Variants in ATXN7 observed in about 807,000 individuals in gnomAD.
ATXN7 encodes the protein ataxin 7.
ATXN7 carries 12 observed loss-of-function variants against 70.5 expected under a neutral mutation model. The observed-to-expected ratio is 0.17, with a 90% confidence interval of 0.11 to 0.28. ATXN7 has a LOEUF of 0.28. ATXN7 is among the 10% of genes least tolerant of loss of function. ATXN7 has a pLI of 1.00. For synonymous variants in ATXN7, 498 were observed against 448.7 expected (o/e 1.11, Z -1.39); for missense variants, 1,256 against 1,131.7 (o/e 1.11, Z -1.58).
chr3:63,960,370 G>A (rs1267894255), intron 5 of ATXN7, among the ~76,000 whole-genome samples: 2 of 152,158 alleles, frequency 1.3e-5, no homozygotes, highest in Admixed American at 6.5e-5. Context: ...AGGATTGGAC[G>A]GCGCAGGCAA....
In ATXN7 at chr3:63,912,610, G is replaced by A. The variant is rs910378260; in HGVS notation, c.12G>A (p.Arg4=). ...TAGGAGCGGAAAGAATGTCGGAGCG[G>A]GCCGCGGATGACGTCAGGGGGGAGC... MSE[R]AADDVRGEPR... is the part of the protein sequence containing the mutation. The change falls in exon 3 of 13, where the codon CGG becomes CGA. Residue 4 remains arginine, a synonymous_variant. Coordinates refer to ENST00000674280, the MANE Select transcript of ATXN7 (RefSeq NM_001377405.1). The A allele has an allele frequency of 5.5e-6, 6 of 1,097,842 alleles. No homozygotes were observed. The Admixed American group carries it at 2.7e-4, about 49-fold the overall frequency. The allele number at this position is 1,097,842 out of a possible 1,614,324, so 68.0% of individuals were successfully genotyped here.
At chr3:63,900,539 C>G (rs1418040438) in intron 2 of ATXN7, 1 of 152,238 alleles carries the variant, frequency 6.6e-6, no homozygotes, top group Non-Finnish European at 1.5e-5. Context: ...GAATGTTGTT[C>G]ATTGTATCAT....
chr3:63,982,539 T>C (rs1265804992), intron 7 of ATXN7, 94 bp downstream of exon 7: 2 of 1,124,974 alleles, frequency 1.8e-6, no homozygotes, highest in African/African-American at 3.2e-5. Flanking sequence ...ATTCCTATTT[T>C]TAAAACTGGT....
intron 11 of ATXN7, among the ~76,000 whole-genome samples, chr3:63,994,124 A>G (rs1042931240): frequency 7.2e-5 from 11 of 152,212 alleles, no homozygotes; most frequent in Non-Finnish European, 1.3e-4. Flanking sequence ...TGTAATCGTT[A>G]TGGATGTGGC....
At chr3:63,990,655 C>T in intron 10 of ATXN7, 83 bp from the exon 11 acceptor site, 1 of 1,595,564 alleles carries the variant, frequency 6.3e-7, no homozygotes, top group Non-Finnish European at 8.6e-7. Context: ...TCCTGATTAG[C>T]TCCTTTCCTG....
At chr3:63,995,474 G>C (rs775458828) in intron 11 of ATXN7, 31 bp from the exon 12 acceptor site, 2 of 1,611,900 alleles carry the variant, frequency 1.2e-6, no homozygotes, top group Non-Finnish European at 8.5e-7. Context: ...GCTGTGGTCA[G>C]TGTCATTCAC....
At chr3:63,868,712 T>G (rs1335316840) in intron 1 of ATXN7, among the ~76,000 whole-genome samples, 2 of 152,164 alleles carry the variant, frequency 1.3e-5, no homozygotes, top group East Asian at 3.9e-4. Flanking sequence ...TATATTTCTC[T>G]CTGTGGGCAA....
At chr3:63,987,078 T>C (rs1391907385) in intron 8 of ATXN7, among the ~76,000 whole-genome samples, 1 of 152,208 alleles carries the variant, frequency 6.6e-6, no homozygotes, top group Non-Finnish European at 1.5e-5. Context: ...ACTTGAGTGA[T>C]TGGACTCAAC....
In ATXN7 at chr3:63,999,761, G is replaced by C. The variant is rs1215649900; in HGVS notation, c.*294G>C. 8.9e-6 allele frequency: 5 copies of C among 563,120 alleles called. No homozygotes were observed. The allele number at this position is 563,120 out of a possible 1,614,324, so 34.9% of individuals were successfully genotyped here. A position where few individuals can be genotyped will look rare whatever the true frequency, so the allele number is the denominator to read the frequency against. ...CAATCTGTGAGAAGTTTTTGTTTTT[G>C]TTTTGTTTTTTAACTTGCAGTATAT... On this transcript the variant is annotated 3_prime_UTR_variant, in exon 13 of 13. Transcript: ENST00000674280.
At chr3:63,965,164 T>C (rs2075198730) in intron 5 of ATXN7, among the ~76,000 whole-genome samples, 1 of 152,196 alleles carries the variant, frequency 6.6e-6, no homozygotes, top group African/African-American at 2.4e-5. Context: ...GTTTAACTCC[T>C]CTATCATCCA....
At chr3:63,975,519 A>G (rs2106737988) in intron 5 of ATXN7, among the ~76,000 whole-genome samples, 1 of 152,280 alleles carries the variant, frequency 6.6e-6, no homozygotes, top group East Asian at 1.9e-4. Context: ...TTTTGTTTTG[A>G]CTGCTTTTTA....
intron 4 of ATXN7, among the ~76,000 whole-genome samples, chr3:63,913,453 T>G (rs1704141130): frequency 6.6e-6 from 1 of 152,102 alleles, no homozygotes; most frequent in Non-Finnish European, 1.5e-5. Context: ...AGGAGCAGCA[T>G]TATTGGTGAT....
chr3:63,996,511 G>T, intron 12 of ATXN7, 28 bp downstream of exon 12: 2 of 1,603,592 alleles, frequency 1.2e-6, no homozygotes, highest in East Asian at 4.5e-5. Context: ...AGCCCCATGG[G>T]AATGCCCATT....
intron 4 of ATXN7, among the ~76,000 whole-genome samples, chr3:63,942,144 T>G: frequency 6.6e-6 from 1 of 152,192 alleles, no homozygotes; most frequent in Non-Finnish European, 1.5e-5. Context: ...TGACTTTTCA[T>G]GAAATGAGAC....
At chr3:63,896,839 C>G (rs967717709) in intron 1 of ATXN7, among the ~76,000 whole-genome samples, 1 of 152,138 alleles carries the variant, frequency 6.6e-6, no homozygotes, top group South Asian at 2.1e-4. Flanking sequence ...CCAAAACTAT[C>G]CTGAAGGAGA....
chr3:63,890,093 G>A (rs542974673), intron 1 of ATXN7, among the ~76,000 whole-genome samples: 2 of 152,220 alleles, frequency 1.3e-5, no homozygotes, highest in African/African-American at 4.8e-5. Flanking sequence ...GCATGTAACT[G>A]CAGTATTGAA....
At chr3:63,927,655 T>TA (rs1679417863) in intron 4 of ATXN7, among the ~76,000 whole-genome samples, 1 of 152,190 alleles carries the variant, frequency 6.6e-6, no homozygotes, top group African/African-American at 2.4e-5. Flanking sequence ...ATCCCTCTGT[T>TA]ACATCACCAG....
chr3:63,990,428 C>T, intron 10 of ATXN7, 54 bp downstream of exon 10: 1 of 1,596,850 alleles, frequency 6.3e-7, no homozygotes, highest in Non-Finnish European at 8.6e-7. Flanking sequence ...ATGGACAGGG[C>T]ACTGCAGGGG....
chr3:63,914,986 G>GCTCAGTGCAACCTCCACCTC lies in ATXN7; in HGVS notation c.394+1783_394+1802dup, dbSNP rs549271229. On this transcript the variant is annotated intron_variant, in intron 4 of 12. Coordinates refer to ENST00000674280, the MANE Select transcript of ATXN7 (RefSeq NM_001377405.1). The stretch of plus-strand genomic sequence containing the variant: ...GCTGGAGTGCAGTGGTGCGATCTTG[G>GCTCAGTGCAACCTCCACCTC]CTCAGTGCAACCTCCACCTCCTCAG... Among the ~76,000 whole-genome samples the GCTCAGTGCAACCTCCACCTC allele has an allele frequency of 2.7e-3, 405 of 152,182 alleles. 1 individual carries two copies. The highest frequency in any genetic ancestry group is 9.3e-3 in the African/African-American group (385 of 41,490).
Sources: allele counts gnomAD v4.1 joint callset (sites outside exome capture counted in the v4.1 genomes callset), GRCh38; gene constraint gnomAD v4.1.1; transcripts MANE v1.5; gene names NCBI Gene and HGNC (gene_info 2026-07-23, HGNC 2026-07-21).